Variants in RNF26 observed in about 807,000 individuals in gnomAD.
The protein encoded by RNF26 is ring finger protein 26.
A neutral mutation model predicts 25.4 loss-of-function variants in RNF26; 8 were observed. The observed-to-expected ratio is 0.31, with a 90% confidence interval of 0.18 to 0.57. The LOEUF (loss-of-function observed/expected upper bound fraction) is 0.57, where lower values mean the gene tolerates loss of function less well. Ranked by LOEUF, RNF26 falls within the 20% of genes least tolerant of loss-of-function variation. The pLI is 0.90. For missense variants in RNF26, 470 were observed against 552.0 expected, an observed-to-expected ratio of 0.85 and a Z score of 1.49; for synonymous variants, 262 against 246.7, an observed-to-expected ratio of 1.06 and a Z score of -0.58.
Position 119,335,477 on chromosome 11 carries a change from G to T in RNF26, c.355G>T (p.Val119Phe), listed in dbSNP as rs531905313. 4 of 1,613,248 alleles carry T rather than the reference G, an allele frequency of 2.5e-6. No individual in the cohort carries two copies. The African/African-American group carries it at 5.3e-5, about 21-fold the overall frequency. Residue 119 changes from valine (V) to phenylalanine (F), a missense_variant, in exon 1 of 1, where the codon GTC becomes TTC. Physicochemically the swap from Val to Phe is conservative, Grantham distance 50. Transcript: ENST00000311413. ...LRSREILHRG[V>F]LNVVSSGHAL... is the part of the protein sequence containing the mutation. ...GAGCAGGGAGATACTGCACCGGGGC[G>T]TCCTCAATGTGGTCTCCAGTGGCCA...
In RNF26 at chr11:119,336,341, A is replaced by G. The variant is rs1384920803; in HGVS notation, c.1219A>G (p.Ile407Val). 6.2e-7 allele frequency: 1 copy of G among 1,612,504 alleles called. No homozygotes were observed. The highest frequency in any genetic ancestry group is 1.7e-5 in the Admixed American group (1 of 60,030). Reference sequence around the variant, plus strand: ...GTGCCTGTGCCAGGCCTGCACTGAAATCCTGATGCGCCACCCCGTCTACCA... The same window carrying G: ...GTGCCTGTGCCAGGCCTGCACTGAAGTCCTGATGCGCCACCCCGTCTACCA... ...HLCLCQACTE[I>V]LMRHPVYHRN... The change falls in exon 1 of 1, where the codon ATC becomes GTC. Residue 407 changes from isoleucine (I) to valine (V), a missense_variant. By Grantham distance (29) the Ile-to-Val change is conservative (BLOSUM62 3). Coordinates refer to ENST00000311413, the MANE Select transcript of RNF26 (RefSeq NM_032015.5).
chr11:119,335,761 G>C lies in RNF26; in HGVS notation c.639G>C (p.Leu213=). 2 of 1,614,204 alleles carry C rather than the reference G, an allele frequency of 1.2e-6. No individual in the cohort carries two copies. Among genetic ancestry groups the C allele is most frequent in the Non-Finnish European group, 1.7e-6 (2 of 1,180,042 alleles). The stretch of plus-strand genomic sequence containing the variant: ...CCTGCCAACTAGCCCTGGAGCTGCT[G>C]GCCTCAGCTGCCCGCCTCCTGGCCA... ...WTPCQLALEL[L]ASAARLLASF... The change falls in exon 1 of 1, where the codon CTG becomes CTC. Residue 213 remains leucine, a synonymous_variant. Transcript: ENST00000311413.
At position 119,335,548 on chromosome 11, in the gene RNF26, C is replaced by T; in HGVS notation, c.426C>T (p.Ser142=). 3 of 1,614,034 alleles carry T rather than the reference C, an allele frequency of 1.9e-6. No homozygotes were observed. Among genetic ancestry groups the T allele is most frequent in the Non-Finnish European group, 2.5e-6 (3 of 1,179,926 alleles). Residue 142 remains serine (S), a synonymous_variant, in exon 1 of 1, where the codon AGC becomes AGT. Coordinates refer to ENST00000311413, the MANE Select transcript of RNF26 (RefSeq NM_032015.5). ...QACDICAIAM[S]LVAYVINSLV... ...GTGACATCTGTGCCATTGCCATGAGCCTGGTGGCTTATGTGATCAACAGCC... is the reference window on the plus strand; with the variant it reads ...GTGACATCTGTGCCATTGCCATGAGTCTGGTGGCTTATGTGATCAACAGCC...
chr11:119,335,819 T>TTGCTA lies in RNF26; in HGVS notation c.698_702dup (p.Ala235CysfsTer2). On this transcript the variant is annotated frameshift_variant, in exon 1 of 1. Coordinates refer to ENST00000311413, the MANE Select transcript of RNF26 (RefSeq NM_032015.5). LOFTEE classifies it high-confidence loss of function. The stretch of plus-strand genomic sequence containing the variant: ...GCTTGTCAATCTCACTGGCTTGGTG[T>TTGCTA]TGCTAGCTTGTGTGCTGGCAGTGAC... 1 of 1,612,636 alleles carries TTGCTA rather than the reference T, an allele frequency of 6.2e-7. No individual in the cohort carries two copies. The highest frequency in any genetic ancestry group is 8.5e-7 in the Non-Finnish European group (1 of 1,179,994).
rs1469047758 is a variant in RNF26, at chr11:119,335,114, A to G, written c.-9A>G. The G allele has an allele frequency of 1.9e-6, 3 of 1,607,546 alleles. No individual in the cohort carries two copies. The highest frequency in any genetic ancestry group is 3.4e-5 in the Admixed American group (2 of 59,692). On this transcript the variant is annotated 5_prime_UTR_variant, in exon 1 of 1. The change creates a new upstream start codon in the 5' untranslated region. Coordinates refer to ENST00000311413, the MANE Select transcript of RNF26 (RefSeq NM_032015.5). ...GACTTTGTTTTGGACTAACTTCCAT[A>G]GCCCTATCATGGAGGCAGTGTACCT...
At position 119,335,812 on chromosome 11, in the gene RNF26, C is replaced by T. The variant is rs1950437309; in HGVS notation, c.690C>T (p.Gly230=). 1 of 1,612,970 alleles carries T rather than the reference C, an allele frequency of 6.2e-7. No homozygotes were observed. The highest frequency in any genetic ancestry group is 8.5e-7 in the Non-Finnish European group (1 of 1,180,000). The change falls in exon 1 of 1, where the codon GGC becomes GGT. Residue 230 remains glycine, a synonymous_variant. Transcript: ENST00000311413. The stretch of plus-strand genomic sequence containing the variant: ...GCTTTGTGCTTGTCAATCTCACTGG[C>T]TTGGTGTTGCTAGCTTGTGTGCTGG... The part of the protein sequence containing the change: ...LASFVLVNLT[G]LVLLACVLAV...
Position 119,335,473 on chromosome 11 carries a change from G to C in RNF26, c.351G>C (p.Arg117=), listed in dbSNP as rs1159493764. 2.5e-6 allele frequency: 4 copies of C among 1,613,524 alleles called. No homozygotes were observed. Among genetic ancestry groups the C allele is most frequent in the Non-Finnish European group, 3.4e-6 (4 of 1,179,636 alleles). The change falls in exon 1 of 1, where the codon CGG becomes CGC. Residue 117 remains arginine (R), a synonymous_variant. Coordinates refer to ENST00000311413, the MANE Select transcript of RNF26 (RefSeq NM_032015.5). ...GALRSREILH[R]GVLNVVSSGH... ...TGCGGAGCAGGGAGATACTGCACCG[G>C]GGCGTCCTCAATGTGGTCTCCAGTG...
chr11:119,336,275 G>T lies in RNF26; in HGVS notation c.1153G>T (p.Asp385Tyr). 6.2e-7 allele frequency: 1 copy of T among 1,613,678 alleles called. No individual in the cohort carries two copies. The highest frequency in any genetic ancestry group is 8.5e-7 in the Non-Finnish European group (1 of 1,180,044). ...GCGGAAGAAGTGTGTCATCTGCCAG[G>T]ACCAGAGCAAGACAGTGTTGCTCCT... is the stretch of plus-strand genomic sequence containing the variant. ...EERKKCVICQDQSKTVLLLPC... is the reference protein window; with the variant it reads ...EERKKCVICQYQSKTVLLLPC... Residue 385 changes from aspartate (D) to tyrosine (Y), a missense_variant, in exon 1 of 1, where the codon GAC becomes TAC. Physicochemically the swap from Asp to Tyr is radical, Grantham distance 160 (BLOSUM62 -3). Transcript: ENST00000311413.
rs749925094 is a variant in RNF26 at position 119,336,039 on chromosome 11, C to A, written c.917C>A (p.Ala306Glu). ...GCGAGTTGGCCAAACCGGGGAGGGG[C>A]ACCTGGAGCTCCCCAGGGTGACCCT... is the stretch of plus-strand genomic sequence containing the variant. ...QLASWPNRGGAPGAPQGDPMR... is the reference protein window; with the variant it reads ...QLASWPNRGGEPGAPQGDPMR... Residue 306 changes from alanine (A) to glutamate (E), a missense_variant, in exon 1 of 1, where the codon GCA (alanine) becomes GAA (glutamate). Transcript: ENST00000311413. 6.2e-7 allele frequency: 1 copy of A among 1,613,794 alleles called. No homozygotes were observed. Among genetic ancestry groups the A allele is most frequent in the East Asian group, 2.2e-5 (1 of 44,890 alleles).
In RNF26 at chr11:119,336,440, C is replaced by T. The variant is rs1221152527; in HGVS notation, c.*16C>T. ...CTACCTCTGAAGCCTCCTTCCCTGC[C>T]TGCCCACCCCTCCATGCTCCACGCA... On this transcript the variant is annotated 3_prime_UTR_variant, in exon 1 of 1. Coordinates refer to ENST00000311413, the MANE Select transcript of RNF26 (RefSeq NM_032015.5). 1.3e-6 allele frequency: 2 copies of T among 1,598,278 alleles called. No individual in the cohort carries two copies. Among genetic ancestry groups the T allele is most frequent in the East Asian group, 2.2e-5 (1 of 44,728 alleles).
rs1005350828 is a variant in RNF26 at position 119,336,497 on chromosome 11, A to G, written c.*73A>G. The G allele has an allele frequency of 5.3e-6, 7 of 1,329,196 alleles. No individual in the cohort carries two copies. In the African/African-American group the frequency reaches 1.0e-4, roughly 19 times the overall value. The allele number at this position is 1,329,196 out of a possible 1,614,324, so 82.3% of individuals were successfully genotyped here. ...CACGCTAGGACAGCATTAACACCTCATCTCCGGGTCCTGGTCTGAATCCCC... is the reference window on the plus strand; with the variant it reads ...CACGCTAGGACAGCATTAACACCTCGTCTCCGGGTCCTGGTCTGAATCCCC... On this transcript the variant is annotated 3_prime_UTR_variant, in exon 1 of 1. Coordinates refer to ENST00000311413, the MANE Select transcript of RNF26 (RefSeq NM_032015.5).
chr11:119,334,763 C>T lies in RNF26; in HGVS notation c.-360C>T, dbSNP rs1397725439. The T allele has an allele frequency of 1.9e-5, 6 of 311,390 alleles. No homozygotes were observed. The highest frequency in any genetic ancestry group is 7.2e-5 in the South Asian group (2 of 27,792). 19.3% of individuals were successfully genotyped at this position (311,390 alleles called of 1,614,324 possible). A position where few individuals can be genotyped will look rare whatever the true frequency, so the allele number is the denominator to read the frequency against. ...CCGATCCGATCCCATTCCATCCGTT[C>T]CTCGTCTCCTCCCGGTCTGACCCGT... On this transcript the variant is annotated 5_prime_UTR_variant, in exon 1 of 1. Transcript: ENST00000311413.
rs1950443695 is a variant in RNF26, at chr11:119,336,663, AG to A, written c.*242del. ...AGGGTGGTGAGTATGTCACTATGCA[AG>A]GGCCCTGAGACTATTTGCTGTGGGC... On this transcript the variant is annotated 3_prime_UTR_variant, in exon 1 of 1. Coordinates refer to ENST00000311413, the MANE Select transcript of RNF26 (RefSeq NM_032015.5). The A allele has an allele frequency of 1.7e-6, 1 of 577,332 alleles. No homozygotes were observed. The highest frequency in any genetic ancestry group is 3.2e-6 in the Non-Finnish European group (1 of 315,990). 35.8% of individuals were successfully genotyped at this position (577,332 alleles called of 1,614,324 possible).
rs542499250 is a variant in RNF26, at chr11:119,336,573, A to C, written c.*149A>C. On this transcript the variant is annotated 3_prime_UTR_variant, in exon 1 of 1. Transcript: ENST00000311413. ...TACATCCAGGACATTGAGTTGGAAG[A>C]CTATGATCTGGGTGGGGGCAGGATA... 1.1e-4 allele frequency: 76 copies of C among 691,696 alleles called. 2 individuals are homozygous for C. The South Asian group carries it at 1.4e-3, about 13-fold the overall frequency. The allele number at this position is 691,696 out of a possible 1,614,324, so 42.8% of individuals were successfully genotyped here.
chr11:119,335,312 T>C lies in RNF26; in HGVS notation c.190T>C (p.Ser64Pro). 6.2e-7 allele frequency: 1 copy of C among 1,614,212 alleles called. No homozygotes were observed. The highest frequency in any genetic ancestry group is 8.5e-7 in the Non-Finnish European group (1 of 1,180,048). Residue 64 changes from serine (S) to proline (P), a missense_variant, in exon 1 of 1, where the codon TCA becomes CCA. Transcript: ENST00000311413. ...LLHLGRGVLLSLLALIEAVVR... is the reference protein window; with the variant it reads ...LLHLGRGVLLPLLALIEAVVR... ...GCACTTGGGCCGCGGAGTCTTGCTT[T>C]CATTGCTGGCCTTGATCGAAGCCGT...
Position 119,337,239 on chromosome 11 carries a change from GC to G in RNF26, c.*818del, listed in dbSNP as rs1950447169. ...GGGTCCAAATACAGAAGGGCCCAGG[GC>G]CCAGGGGCTTGCAGCTTCGTGAGGG... On this transcript the variant is annotated 3_prime_UTR_variant, in exon 1 of 1. Coordinates refer to ENST00000311413, the MANE Select transcript of RNF26 (RefSeq NM_032015.5). 5.9e-6 allele frequency: 1 copy of G among 169,370 alleles called. No homozygotes were observed. The highest frequency in any genetic ancestry group is 2.4e-5 in the African/African-American group (1 of 41,534). 10.5% of individuals were successfully genotyped at this position (169,370 alleles called of 1,614,324 possible). A position where few individuals can be genotyped will look rare whatever the true frequency, so the allele number is the denominator to read the frequency against.
Position 119,334,808 on chromosome 11 carries a change from A to T in RNF26, c.-315A>T. 1 of 414,870 alleles carries T rather than the reference A, an allele frequency of 2.4e-6. No homozygotes were observed. The highest frequency in any genetic ancestry group is 4.4e-6 in the Non-Finnish European group (1 of 227,624). The allele number at this position is 414,870 out of a possible 1,614,324, so 25.7% of individuals were successfully genotyped here. On this transcript the variant is annotated 5_prime_UTR_variant, in exon 1 of 1. Coordinates refer to ENST00000311413, the MANE Select transcript of RNF26 (RefSeq NM_032015.5). ...ACCCGTTGCCCGGCCGTGGTTCGCCACACCAGGCATCCAAAGCTGAGGTCG... is the reference window on the plus strand; with the variant it reads ...ACCCGTTGCCCGGCCGTGGTTCGCCTCACCAGGCATCCAAAGCTGAGGTCG...
At position 119,336,415 on chromosome 11, in the gene RNF26, C is replaced by A. The variant is rs1258197142; in HGVS notation, c.1293C>A (p.Val431=). Residue 431 remains valine, a synonymous_variant, in exon 1 of 1, where the codon GTC becomes GTA. Coordinates refer to ENST00000311413, the MANE Select transcript of RNF26 (RefSeq NM_032015.5). ...GGGGCATCCTGCAGACCCTCAATGTCTACCTCTGAAGCCTCCTTCCCTGCC... is the reference window on the plus strand; with the variant it reads ...GGGGCATCCTGCAGACCCTCAATGTATACCTCTGAAGCCTCCTTCCCTGCC... ...CRRGILQTLN[V]YL The A allele has an allele frequency of 1.2e-6, 2 of 1,608,944 alleles. No individual in the cohort carries two copies. The highest frequency in any genetic ancestry group is 1.3e-5 in the African/African-American group (1 of 74,920).
rs1457882821 is a variant in RNF26 at position 119,336,984 on chromosome 11, C to A, written c.*560C>A. The A allele has an allele frequency of 5.9e-6, 1 of 170,180 alleles. No individual in the cohort carries two copies. 10.5% of individuals were successfully genotyped at this position (170,180 alleles called of 1,614,324 possible). A position where few individuals can be genotyped will look rare whatever the true frequency, so the allele number is the denominator to read the frequency against. On this transcript the variant is annotated 3_prime_UTR_variant, in exon 1 of 1. Coordinates refer to ENST00000311413, the MANE Select transcript of RNF26 (RefSeq NM_032015.5). ...GCCTGTGATCGTCTGATGAGGCTCC[C>A]TCCCAACCTGATCCAAAAGCCAGTC...
Sources: gnomAD v4.1 joint callset for allele counts on GRCh38, gnomAD v4.1.1 for gene constraint, MANE v1.5 for transcripts, NCBI Gene and HGNC (gene_info 2026-07-23, HGNC 2026-07-21) for gene names.